KCNK13: variants seen among roughly 807,000 people sequenced by gnomAD.
The protein encoded by KCNK13 is potassium two pore domain channel subfamily K member 13.
In KCNK13, 12 loss-of-function variants were observed where a neutral mutation model predicts 23.4. That is an observed-to-expected ratio of 0.51 (90% confidence interval 0.33 to 0.83). The LOEUF (loss-of-function observed/expected upper bound fraction) is 0.83, where lower values mean the gene tolerates loss of function less well. KCNK13 is among the 40% of genes least tolerant of loss of function. The probability of loss-of-function intolerance (pLI) is 0.02; values close to 1 mark genes in which losing one functional copy is unlikely to be tolerated. For synonymous variants in KCNK13, 231 were observed against 229.5 expected, an observed-to-expected ratio of 1.01 and a Z score of -0.06; for missense variants, 463 against 556.3, an observed-to-expected ratio of 0.83 and a Z score of 1.69.
chr14:90,062,393 G>A lies in KCNK13; in HGVS notation c.188G>A (p.Gly63Asp). ...GAGCGCCTGGCCAACTTCAGCCGCG[G>A]CCACAACCTGAGCCGCGACGAGCTG... is the stretch of plus-strand genomic sequence containing the variant. ...WEERLANFSR[G>D]HNLSRDELRG... The change falls in exon 1 of 2, where the codon GGC becomes GAC. Residue 63 changes from glycine (G) to aspartate (D), a missense_variant. This residue lies in a region of KCNK13 where 153 missense variants were observed against 153.6 expected (regional missense o/e 1.00). Coordinates refer to ENST00000282146, the MANE Select transcript of KCNK13 (RefSeq NM_022054.4). The surrounding 1 kb of genome is among the most constrained non-coding windows in gnomAD (Gnocchi z 4.5). 6.5e-7 allele frequency: 1 copy of A among 1,549,134 alleles called. No individual in the cohort carries two copies. Among genetic ancestry groups the A allele is most frequent in the South Asian group, 1.2e-5 (1 of 83,894 alleles).
At chr14:90,110,428 C>T (rs969543187) in intron 1 of KCNK13, among the ~76,000 whole-genome samples, 1 of 150,554 alleles carries the variant, frequency 6.6e-6, no homozygotes, top group Non-Finnish European at 1.5e-5. Context: ...TGCAGTGAGT[C>T]GACATCATGC....
chr14:90,070,544 T>C (rs1440334667), intron 1 of KCNK13, among the ~76,000 whole-genome samples: 1 of 152,260 alleles, frequency 6.6e-6, no homozygotes, highest in Non-Finnish European at 1.5e-5. Flanking sequence ...GCTCAATGTC[T>C]ATAATTTATT....
intron 1 of KCNK13, among the ~76,000 whole-genome samples, chr14:90,144,947 C>T (rs748692812): frequency 2.0e-4 from 30 of 152,038 alleles, no homozygotes; most frequent in Non-Finnish European, 4.4e-4. Flanking sequence ...TTTGTATTTA[C>T]CTTTTATGAC....
intron 1 of KCNK13, among the ~76,000 whole-genome samples, chr14:90,141,959 G>C (rs1053308395): frequency 4.7e-4 from 71 of 150,482 alleles, no homozygotes; most frequent in Admixed American, 2.4e-3. Flanking sequence ...ATTTTTTTTT[G>C]TATTTTTTTA....
Position 90,062,381 on chromosome 14 carries a change from A to G in KCNK13, c.176A>G (p.Asn59Ser), listed in dbSNP as rs1203503624. ...AKQRWEERLANFSRGHNLSRD... is the reference protein window; with the variant it reads ...AKQRWEERLASFSRGHNLSRD... Reference sequence around the variant, plus strand: ...CAGCGCTGGGAGGAGCGCCTGGCCAACTTCAGCCGCGGCCACAACCTGAGC... The same window carrying G: ...CAGCGCTGGGAGGAGCGCCTGGCCAGCTTCAGCCGCGGCCACAACCTGAGC... Residue 59 changes from asparagine to serine, a missense_variant, in exon 1 of 2, where the codon AAC becomes AGC. Asn to Ser is a conservative substitution (Grantham distance 46). Around this residue, in one of 3 missense-constraint regions of KCNK13, gnomAD observed 153 missense variants for 153.6 expected, o/e 1.00. Transcript: ENST00000282146. This position sits in a 1 kb window ranked among gnomAD's most constrained non-coding sequence, Gnocchi z 4.5. The G allele has an allele frequency of 6.4e-7, 1 of 1,551,702 alleles. No individual in the cohort carries two copies. Among genetic ancestry groups the G allele is most frequent in the Admixed American group, 1.9e-5 (1 of 51,716 alleles).
chr14:90,166,899 C>T (rs901207064), intron 1 of KCNK13, among the ~76,000 whole-genome samples: 2 of 151,924 alleles, frequency 1.3e-5, no homozygotes, highest in African/African-American at 4.8e-5. Context: ...ATTGGAAGGT[C>T]CTTAGACCTC....
At chr14:90,144,833 C>T (rs74596437) in intron 1 of KCNK13, among the ~76,000 whole-genome samples, 9,878 of 152,058 alleles carry the variant, frequency 0.065, 412 homozygotes, top group South Asian at 0.21. Flanking sequence ...AGCAGAATGT[C>T]GAATAGAAAT....
chr14:90,162,375 A>T (rs1566649441), intron 1 of KCNK13, among the ~76,000 whole-genome samples: 1 of 152,236 alleles, frequency 6.6e-6, no homozygotes. Context: ...GAGCCTACAC[A>T]TGAGAACTAA....
chr14:90,068,148 C>G (rs996124081), intron 1 of KCNK13, among the ~76,000 whole-genome samples: 2 of 152,102 alleles, frequency 1.3e-5, no homozygotes, highest in Admixed American at 6.6e-5. Context: ...AAATGGCCAC[C>G]ACCACCTGCA....
chr14:90,144,863 C>T (rs1202056185), intron 1 of KCNK13, among the ~76,000 whole-genome samples: 2 of 152,096 alleles, frequency 1.3e-5, no homozygotes, highest in African/African-American at 4.8e-5. Context: ...GGATATCCTA[C>T]ACTTGTTCCT....
intron 1 of KCNK13, among the ~76,000 whole-genome samples, chr14:90,134,627 G>A (rs1889913779): frequency 1.3e-5 from 2 of 152,188 alleles, no homozygotes; most frequent in African/African-American, 4.8e-5. Context: ...TGTGCTAAGT[G>A]CTTTACATTA....
intron 1 of KCNK13, among the ~76,000 whole-genome samples, chr14:90,108,454 C>T (rs1291981540): frequency 1.3e-5 from 2 of 152,100 alleles, no homozygotes; most frequent in Non-Finnish European, 2.9e-5. Context: ...GTTATGAAAT[C>T]AGTGGGTATT....
chr14:90,155,287 C>T (rs1284178669), intron 1 of KCNK13, among the ~76,000 whole-genome samples: 1 of 151,964 alleles, frequency 6.6e-6, no homozygotes, highest in African/African-American at 2.4e-5. Context: ...GGAGGAGCAG[C>T]AAGGAGGCCA....
At chr14:90,167,431 C>A (rs377441839) in intron 1 of KCNK13, among the ~76,000 whole-genome samples, 12 of 152,304 alleles carry the variant, frequency 7.9e-5, no homozygotes, top group African/African-American at 2.6e-4. Flanking sequence ...TCTATTAAAT[C>A]ATGGAGCAAC....
At chr14:90,143,146 A>ACTTTCTTTCTTT (rs577709163) in intron 1 of KCNK13, among the ~76,000 whole-genome samples, 40 of 115,788 alleles carry the variant, frequency 3.5e-4, no homozygotes, top group African/African-American at 8.2e-4. Flanking sequence ...AAGAGCAGAA[A>ACTTTCTTTCTTT]CTTTCTTTCT....
intron 1 of KCNK13, among the ~76,000 whole-genome samples, chr14:90,090,184 C>A (rs1483386698): frequency 2.0e-5 from 3 of 152,250 alleles, no homozygotes; most frequent in African/African-American, 7.2e-5. Context: ...ACAATACCAG[C>A]CATGAAAGCA....
At chr14:90,070,247 T>C (rs1889058088) in intron 1 of KCNK13, among the ~76,000 whole-genome samples, 1 of 152,230 alleles carries the variant, frequency 6.6e-6, no homozygotes, top group Non-Finnish European at 1.5e-5. Flanking sequence ...TTGTATCTCA[T>C]TGCTTTCTAT....
intron 1 of KCNK13, among the ~76,000 whole-genome samples, chr14:90,112,297 G>A (rs1596783111): frequency 6.6e-6 from 1 of 152,188 alleles, no homozygotes; most frequent in Non-Finnish European, 1.5e-5. Context: ...AAATGAAGCA[G>A]ATCATTTCAC....
At chr14:90,138,202 C>T (rs1343290516) in intron 1 of KCNK13, among the ~76,000 whole-genome samples, 1 of 151,996 alleles carries the variant, frequency 6.6e-6, no homozygotes, top group Non-Finnish European at 1.5e-5. Context: ...GTAATATGTG[C>T]TCATTGTAAA....
Sources: gnomAD v4.1 joint callset for allele counts (sites outside exome capture counted in the v4.1 genomes callset) on GRCh38, gnomAD v4.1.1 for gene constraint, gnomAD v4.1.1 regional missense constraint, Gnocchi (gnomAD v3.1) non-coding constraint, MANE v1.5 for transcripts, NCBI Gene and HGNC (gene_info 2026-07-23, HGNC 2026-07-21) for gene names.